The following DAB1 variants were observed in gnomAD, a reference collection of about 807,000 sequenced individuals.
DAB1 encodes DAB adaptor protein 1.
In DAB1, 15 loss-of-function variants were observed where a neutral mutation model predicts 64.6. The observed-to-expected ratio is 0.23, with a 90% CI of 0.16 to 0.36. DAB1 has a LOEUF of 0.36. DAB1 is among the 10% of genes least tolerant of loss of function. The pLI, the probability that DAB1 is intolerant of heterozygous loss-of-function variation, is 1.00. For synonymous variants in DAB1, 235 were observed against 251.9 expected (o/e 0.93, Z 0.64); for missense variants, 596 against 706.7 (o/e 0.84, Z 1.78).
At chr1:57,226,279 A>G (rs1667251523) in intron 2 of DAB1, among the ~76,000 whole-genome samples, 1 of 152,300 alleles carries the variant, frequency 6.6e-6, no homozygotes, top group African/African-American at 2.4e-5. Context: ...CTACTGGACA[A>G]TTATGCTTGG....
chr1:58,292,773 G>A (rs887948169), intron 4 of DAB1, among the ~76,000 whole-genome samples: 7 of 152,284 alleles, frequency 4.6e-5, no homozygotes, highest in African/African-American at 1.2e-4. Context: ...GCAAAGATTG[G>A]TGGACCATGT....
intron 1 of DAB1, among the ~76,000 whole-genome samples, chr1:57,407,495 G>C (rs1005274865): frequency 6.6e-6 from 1 of 152,150 alleles, no homozygotes; most frequent in Non-Finnish European, 1.5e-5. Flanking sequence ...TGAAGATAAA[G>C]GCTGAAGGAG....
intron 5 of DAB1, among the ~76,000 whole-genome samples, chr1:58,101,419 A>G (rs1407235878): frequency 6.6e-6 from 1 of 152,242 alleles, no homozygotes; most frequent in Non-Finnish European, 1.5e-5. Flanking sequence ...CAAGGCACTC[A>G]GGAACAAATG....
intron 5 of DAB1, among the ~76,000 whole-genome samples, chr1:57,964,836 G>A (rs1645615430): frequency 1.3e-5 from 2 of 152,146 alleles, no homozygotes; most frequent in African/African-American, 2.4e-5. Context: ...AGGGAGGCAG[G>A]AAGTTGTTCA....
intron 2 of DAB1, among the ~76,000 whole-genome samples, chr1:57,168,220 T>C (rs1661387343): frequency 6.6e-6 from 1 of 152,228 alleles, no homozygotes; most frequent in South Asian, 2.1e-4. Context: ...GAAATGTCAG[T>C]GGTTTCTCAC....
chr1:58,035,643 G>A (rs11207156), intron 5 of DAB1, among the ~76,000 whole-genome samples: 68,585 of 152,152 alleles, frequency 0.45, 15,724 homozygotes, highest in African/African-American at 0.5. Context: ...AAGAAACACT[G>A]AGATAGCAAG....
At chr1:57,544,896 C>T (rs1644839829) in intron 7 of DAB1, among the ~76,000 whole-genome samples, 1 of 152,240 alleles carries the variant, frequency 6.6e-6, no homozygotes, top group Non-Finnish European at 1.5e-5. Flanking sequence ...CCATGCGGAA[C>T]TGTGAGTCAA....
At position 57,489,513 on chromosome 1, in the gene DAB1, G is replaced by A. The variant is rs977257552; in HGVS notation, n.625+160079C>T. 3.0e-4 allele frequency among the ~76,000 whole-genome samples: 46 copies of A among 152,080 alleles called. 1 individual carries two copies. Among genetic ancestry groups the A allele is most frequent in the African/African-American group, 8.7e-4 (36 of 41,418 alleles). On this transcript the variant is annotated intron_variant and non_coding_transcript_variant, in intron 7 of 20. Coordinates refer to the DAB1 transcript ENST00000485760. Reference sequence around the variant, plus strand: ...TTCCCTAACCCTCCAGGCTGACTCCGTTTCTTCTCACCATGCTCACAAAGC... The same window carrying A: ...TTCCCTAACCCTCCAGGCTGACTCCATTTCTTCTCACCATGCTCACAAAGC...
At chr1:57,375,382 T>C (rs563684367) in intron 1 of DAB1, among the ~76,000 whole-genome samples, 16 of 152,184 alleles carry the variant, frequency 1.1e-4, no homozygotes, top group Admixed American at 2.0e-4. Context: ...AGCTAGGAAG[T>C]AGCAGAGATA....
At chr1:57,279,997 G>A (rs997200713) in intron 2 of DAB1, among the ~76,000 whole-genome samples, 19 of 152,170 alleles carry the variant, frequency 1.2e-4, no homozygotes. Context: ...GCACAACTTA[G>A]TATTTGGTAA....
intron 6 of DAB1, among the ~76,000 whole-genome samples, chr1:57,685,009 G>A (rs1646679150): frequency 6.6e-6 from 1 of 151,406 alleles, no homozygotes; most frequent in African/African-American, 2.4e-5. Flanking sequence ...GCTGGAGTGA[G>A]TGGCATGATC....
At chr1:58,078,482 G>A (rs1161752970) in intron 5 of DAB1, among the ~76,000 whole-genome samples, 1 of 152,162 alleles carries the variant, frequency 6.6e-6, no homozygotes, top group East Asian at 1.9e-4. Context: ...AAGTTTCCAA[G>A]AAGGAAGTTA....
chr1:57,160,090 T>C (rs898883065), intron 2 of DAB1, among the ~76,000 whole-genome samples: 1 of 152,214 alleles, frequency 6.6e-6, no homozygotes, highest in African/African-American at 2.4e-5. Context: ...ATTTGCTTCT[T>C]AGATTTTCTC....
intron 5 of DAB1, among the ~76,000 whole-genome samples, chr1:58,118,523 T>C (rs113643009): frequency 0.052 from 4,905 of 94,732 alleles, 208 homozygotes; most frequent in African/African-American, 0.11. Flanking sequence ...CACACACACA[T>C]ATATATATAT....
intron 6 of DAB1, among the ~76,000 whole-genome samples, chr1:57,773,394 C>T (rs1291627215): frequency 1.3e-5 from 2 of 151,804 alleles, no homozygotes; most frequent in Non-Finnish European, 2.9e-5. Flanking sequence ...CACACAAACA[C>T]TTTGGATACC....
At chr1:57,225,437 G>C (rs765545159) in intron 2 of DAB1, among the ~76,000 whole-genome samples, 1 of 152,038 alleles carries the variant, frequency 6.6e-6, no homozygotes, top group Non-Finnish European at 1.5e-5. Context: ...TGAAGAATTG[G>C]TACTGAAATG....
At chr1:58,508,915 GTC>G (rs1646030953) in intron 2 of DAB1, among the ~76,000 whole-genome samples, 1 of 152,088 alleles carries the variant, frequency 6.6e-6, no homozygotes. Context: ...ACTGGCTTCT[GTC>G]TCATCTGTCT....
intron 2 of DAB1, among the ~76,000 whole-genome samples, chr1:57,284,859 G>A (rs1393935674): frequency 1.3e-5 from 2 of 152,072 alleles, no homozygotes; most frequent in Admixed American, 1.3e-4. Context: ...AAACTGACTA[G>A]AATTTTTCAA....
chr1:57,244,551 C>A (rs575382043), intron 2 of DAB1, among the ~76,000 whole-genome samples: 1 of 152,330 alleles, frequency 6.6e-6, no homozygotes, highest in Admixed American at 6.5e-5. Context: ...AGGTGGAAAA[C>A]TCTGTCTTGA....
Sources: gnomAD v4.1 joint callset for allele counts (sites outside exome capture counted in the v4.1 genomes callset) on GRCh38, gnomAD v4.1.1 for gene constraint, MANE v1.5 for transcripts, NCBI Gene and HGNC (gene_info 2026-07-23, HGNC 2026-07-21) for gene names.